LRRC2: variants seen among roughly 807,000 people sequenced by gnomAD.
LRRC2 encodes the protein leucine-rich repeat-containing protein 2.
A neutral mutation model predicts 40.2 loss-of-function variants in LRRC2; 27 were observed. The observed-to-expected ratio is 0.67, with a 90% CI of 0.49 to 0.93. The LOEUF (loss-of-function observed/expected upper bound fraction) is 0.93. Among genes scored for constraint, LRRC2 ranks in the 40% least tolerant of loss-of-function variants. LRRC2 has a pLI of 0.00. For missense variants in LRRC2, 402 were observed against 439.6 expected, an observed-to-expected ratio of 0.91 and a Z score of 0.76; for synonymous variants, 147 against 158.9, an observed-to-expected ratio of 0.92 and a Z score of 0.56.
At chr3:46,552,992 C>G (rs1055019417) in intron 1 of LRRC2, among the ~76,000 whole-genome samples, 1 of 152,234 alleles carries the variant, frequency 6.6e-6, no homozygotes, top group Non-Finnish European at 1.5e-5. Flanking sequence ...GTCTATATCC[C>G]TGGCACCTAG....
chr3:46,551,300 C>A, intron 2 of LRRC2, 167 bp downstream of exon 2: 1 of 676,668 alleles, frequency 1.5e-6, no homozygotes, highest in Non-Finnish European at 2.3e-6. Flanking sequence ...ATAGGAACTG[C>A]GTATTTGTAC....
chr3:46,524,778 T>C (rs1336381536), intron 7 of LRRC2, among the ~76,000 whole-genome samples: 1 of 152,172 alleles, frequency 6.6e-6, no homozygotes, highest in Admixed American at 6.5e-5. Context: ...CTTGGTCTAG[T>C]TTTCTTTCTA....
At chr3:46,565,307 C>T (rs1705033320) in intron 1 of LRRC2, among the ~76,000 whole-genome samples, 1 of 152,106 alleles carries the variant, frequency 6.6e-6, no homozygotes, top group Non-Finnish European at 1.5e-5. Context: ...CTGATGTTCT[C>T]ATGTGGACGT....
chr3:46,565,863 A>C (rs956186062), intron 1 of LRRC2, among the ~76,000 whole-genome samples: 10 of 152,192 alleles, frequency 6.6e-5, no homozygotes, highest in African/African-American at 2.2e-4. Context: ...TGGGCGCCGG[A>C]GCAGTACGCG....
intron 1 of LRRC2, among the ~76,000 whole-genome samples, chr3:46,563,153 G>T (rs559800364): frequency 5.9e-5 from 9 of 152,022 alleles, no homozygotes; most frequent in Non-Finnish European, 1.0e-4. Flanking sequence ...ACATCTTAGA[G>T]GGCATGCATT....
rs535303554 is a variant in LRRC2, at chr3:46,551,276, T to A, written c.125+191A>T. ...GGTGGTGGGTAGGTCCTTATAACCA[T>A]GGGTGTTGCTATCATAGGAACTGCG... On this transcript the variant is annotated intron_variant, in intron 2 of 8. Coordinates refer to ENST00000395905, the MANE Select transcript of LRRC2 (RefSeq NM_024512.5). 135 of 520,040 alleles carry A rather than the reference T, an allele frequency of 2.6e-4. 3 individuals are homozygous for A. In the Middle Eastern group the frequency reaches 4.1e-3, roughly 16 times the overall value. The allele number at this position is 520,040 out of a possible 1,614,324, so 32.2% of individuals were successfully genotyped here.
Position 46,527,552 on chromosome 3 carries a change from T to C in LRRC2, c.803A>G (p.Tyr268Cys). 2 of 1,614,008 alleles carry C rather than the reference T, an allele frequency of 1.2e-6. No individual in the cohort carries two copies. Among genetic ancestry groups the C allele is most frequent in the Admixed American group, 1.7e-5 (1 of 60,008 alleles). Residue 268 changes from tyrosine to cysteine, a missense_variant, in exon 7 of 9, where the codon TAT becomes TGT. By Grantham distance (194) the Tyr-to-Cys change is radical. Transcript: ENST00000395905. Reference sequence around the variant, plus strand: ...GGGAAGGTAGGTCAACTTGTTTTTATACAAGAGAAAGCTCTGCAGCTCCTC... The same window carrying C: ...GGGAAGGTAGGTCAACTTGTTTTTACACAAGAGAAAGCTCTGCAGCTCCTC... Reference protein sequence around the residue: ...RLEELQSFLLYKNKLTYLPYS... With the variant: ...RLEELQSFLLCKNKLTYLPYS...
At chr3:46,519,103 T>G (rs1347797559) in intron 8 of LRRC2, 40 bp from the exon 9 acceptor site, 3 of 1,405,084 alleles carry the variant, frequency 2.1e-6, no homozygotes, top group Non-Finnish European at 3.0e-6. Context: ...TCATTCACCA[T>G]TTTATTATGA....
intron 8 of LRRC2, 23 bp from the exon 9 acceptor site, chr3:46,519,086 T>C (rs1299724903): frequency 1.3e-6 from 2 of 1,555,724 alleles, no homozygotes; most frequent in Non-Finnish European, 1.8e-6. Context: ...GAAAAAAGTA[T>C]GCTCAATCAT....
chr3:46,549,398 A>G (rs1342739503), intron 2 of LRRC2, among the ~76,000 whole-genome samples: 2 of 152,134 alleles, frequency 1.3e-5, no homozygotes, highest in South Asian at 2.1e-4. Context: ...TACTACCCCC[A>G]TTTCTGAAGA....
chr3:46,548,968 C>A (rs919837923), intron 2 of LRRC2, among the ~76,000 whole-genome samples: 6 of 150,626 alleles, frequency 4.0e-5, no homozygotes, highest in African/African-American at 1.5e-4. Flanking sequence ...GTAATGCCCG[C>A]TTGCCCCCTG....
At chr3:46,536,469 G>A (rs933007723) in intron 4 of LRRC2, among the ~76,000 whole-genome samples, 1 of 152,156 alleles carries the variant, frequency 6.6e-6, no homozygotes, top group Non-Finnish European at 1.5e-5. Context: ...AGAAACTGAA[G>A]AGCAGAGAGA....
At chr3:46,541,877 G>A (rs1205344404) in intron 3 of LRRC2, among the ~76,000 whole-genome samples, 2 of 152,168 alleles carry the variant, frequency 1.3e-5, no homozygotes, top group Non-Finnish European at 2.9e-5. Flanking sequence ...GCACAGCTGA[G>A]GCAGGGGAGG....
At chr3:46,547,902 G>A (rs1704564690) in intron 2 of LRRC2, among the ~76,000 whole-genome samples, 2 of 152,084 alleles carry the variant, frequency 1.3e-5, no homozygotes, top group African/African-American at 2.4e-5. Flanking sequence ...ATATCTACCT[G>A]TAGATTTAGA....
At chr3:46,531,344 T>C (rs1402669626) in intron 5 of LRRC2, among the ~76,000 whole-genome samples, 2 of 152,008 alleles carry the variant, frequency 1.3e-5, no homozygotes, top group Non-Finnish European at 2.9e-5. Context: ...TTTGAATCTG[T>C]ACACTTGTAA....
intron 3 of LRRC2, among the ~76,000 whole-genome samples, chr3:46,543,608 T>A (rs940584849): frequency 1.3e-4 from 16 of 125,062 alleles, no homozygotes; most frequent in African/African-American, 4.8e-4. Flanking sequence ...AGAGCGAGAC[T>A]CCATCTCAAT....
chr3:46,532,623 A>G, intron 5 of LRRC2, 150 bp downstream of exon 5: 1 of 820,044 alleles, frequency 1.2e-6, no homozygotes, highest in Non-Finnish European at 1.8e-6. Context: ...AGAAGTTTTT[A>G]AAGACCAGTA....
chr3:46,529,705 G>A (rs867890296), intron 6 of LRRC2, among the ~76,000 whole-genome samples, 200 bp downstream of exon 6: 3 of 152,188 alleles, frequency 2.0e-5, no homozygotes, highest in African/African-American at 7.2e-5. Context: ...TCAAATGCAC[G>A]TAAACACATA....
intron 4 of LRRC2, among the ~76,000 whole-genome samples, chr3:46,535,605 A>G (rs191252567): frequency 8.5e-5 from 13 of 152,292 alleles, no homozygotes; most frequent in Middle Eastern, 3.4e-3. Context: ...AAATTAAAGT[A>G]TGTGCTCAAG....
Sources: allele counts gnomAD v4.1 joint callset (sites outside exome capture counted in the v4.1 genomes callset), GRCh38; gene constraint gnomAD v4.1.1; transcripts MANE v1.5; gene names NCBI Gene and HGNC (gene_info 2026-07-23, HGNC 2026-07-21).